The following METTL15 variants were observed in gnomAD, a reference collection of about 807,000 sequenced individuals.
The protein encoded by METTL15 is 12S rRNA N(4)-cytidine methyltransferase METTL15.
Under a neutral mutation model 38.3 loss-of-function variants are expected in METTL15, and 34 were observed. The ratio of observed to expected loss-of-function variants is 0.89; its 90% CI spans 0.68 to 1.18. METTL15 has a LOEUF of 1.18. Ranked by LOEUF, METTL15 falls within the 50% of genes most tolerant of loss-of-function variation. The pLI is 0.00. For synonymous variants in METTL15, 162 were observed against 170.9 expected, an observed-to-expected ratio of 0.95 and a Z score of 0.41; for missense variants, 438 against 498.4, an observed-to-expected ratio of 0.88 and a Z score of 1.15.
chr11:28,396,729 G>T (rs1308184397), intron 5 of METTL15, among the ~76,000 whole-genome samples: 2 of 152,050 alleles, frequency 1.3e-5, no homozygotes. Context: ...TCACAGAATT[G>T]GAAAAAACTA....
intron 4 of METTL15, among the ~76,000 whole-genome samples, chr11:28,228,717 A>G (rs1372661542): frequency 1.3e-5 from 2 of 152,082 alleles, no homozygotes; most frequent in Non-Finnish European, 2.9e-5. Flanking sequence ...TACATTCCAC[A>G]TATATTGTTC....
chr11:28,275,822 A>T (rs1855820704), intron 4 of METTL15, among the ~76,000 whole-genome samples: 3 of 152,206 alleles, frequency 2.0e-5, no homozygotes, highest in South Asian at 2.1e-4. Flanking sequence ...AATACATCAC[A>T]TCAACAGAAT....
At chr11:28,378,314 T>C (rs1414711889) in intron 5 of METTL15, among the ~76,000 whole-genome samples, 1 of 152,226 alleles carries the variant, frequency 6.6e-6, no homozygotes, top group African/African-American at 2.4e-5. Context: ...CGATACTCCG[T>C]GGGGTAGGAC....
At chr11:28,501,804 C>G (rs1397160785) in intron 6 of METTL15, among the ~76,000 whole-genome samples, 1 of 152,018 alleles carries the variant, frequency 6.6e-6, no homozygotes, top group Non-Finnish European at 1.5e-5. Flanking sequence ...CATGTGCACT[C>G]AAGAACCTGG....
chr11:28,320,444 C>CA (rs1849426492), intron 6 of METTL15, among the ~76,000 whole-genome samples: 1 of 151,862 alleles, frequency 6.6e-6, no homozygotes, highest in Non-Finnish European at 1.5e-5. Flanking sequence ...CCTATAGTCC[C>CA]AGCTATTCAG....
chr11:28,514,610 G>A (rs1365972040), intron 6 of METTL15, among the ~76,000 whole-genome samples: 3 of 152,166 alleles, frequency 2.0e-5, no homozygotes, highest in Admixed American at 6.5e-5. Context: ...CAATCCTTTA[G>A]TTGTCAGAGG....
chr11:28,195,493 G>C (rs1851876743), intron 3 of METTL15, among the ~76,000 whole-genome samples: 2 of 151,622 alleles, frequency 1.3e-5, no homozygotes, highest in South Asian at 4.2e-4. Context: ...TTCTATGTTT[G>C]GCCATTTGTA....
chr11:28,179,777 C>T (rs916366319), intron 3 of METTL15, among the ~76,000 whole-genome samples: 7 of 151,664 alleles, frequency 4.6e-5, no homozygotes, highest in Non-Finnish European at 8.9e-5. Context: ...TTTCCAGGAG[C>T]ATATAGCTAA....
chr11:28,143,703 C>T (rs964715614), intron 3 of METTL15, among the ~76,000 whole-genome samples: 20 of 152,130 alleles, frequency 1.3e-4, no homozygotes, highest in South Asian at 4.1e-4. Flanking sequence ...GGAACAAAGA[C>T]GCATTAATGA....
chr11:28,307,915 G>T (rs1030985259), intron 6 of METTL15, among the ~76,000 whole-genome samples: 2 of 151,876 alleles, frequency 1.3e-5, no homozygotes, highest in Non-Finnish European at 2.9e-5. Context: ...TAATTTCTGG[G>T]ATTAATTTTC....
At position 28,160,181 on chromosome 11, in the gene METTL15, G is replaced by A. The variant is rs185188948; in HGVS notation, c.270+46577G>A. 2.0e-4 allele frequency among the ~76,000 whole-genome samples: 30 copies of A among 151,870 alleles called. No individual in the cohort carries two copies. In the East Asian group the frequency reaches 5.6e-3, roughly 28 times the overall value. ...TCGGACTCCGTGTTCTTCAGTTTTG[G>A]CACTCGAACTGAGTTCCATGCAATA... On this transcript the variant is annotated intron_variant, in intron 3 of 6. Coordinates refer to ENST00000407364, the MANE Select transcript of METTL15 (RefSeq NM_001113528.2).
At chr11:28,326,629 T>C (rs1369796334) in intron 6 of METTL15, among the ~76,000 whole-genome samples, 2 of 152,026 alleles carry the variant, frequency 1.3e-5, no homozygotes, top group Non-Finnish European at 2.9e-5. Context: ...CAGGCTGGAG[T>C]GCAGTGGTGC....
At chr11:28,231,070 C>G (rs926366196) in intron 4 of METTL15, among the ~76,000 whole-genome samples, 4 of 151,848 alleles carry the variant, frequency 2.6e-5, no homozygotes, top group Non-Finnish European at 4.4e-5. Context: ...TTCTTATTTT[C>G]TCTGTTAGCA....
chr11:28,374,142 G>A (rs1245479899), intron 5 of METTL15, among the ~76,000 whole-genome samples: 8 of 152,146 alleles, frequency 5.3e-5, no homozygotes, highest in African/African-American at 1.2e-4. Flanking sequence ...TTGACATGGC[G>A]ATGCGGGCTC....
At chr11:28,366,705 A>G in intron 5 of METTL15, among the ~76,000 whole-genome samples, 1 of 152,200 alleles carries the variant, frequency 6.6e-6, no homozygotes, top group East Asian at 1.9e-4. Context: ...GCTATATAAA[A>G]GACAAGAGGA....
chr11:28,112,803 G>T (rs1204420545), intron 2 of METTL15, among the ~76,000 whole-genome samples: 1 of 152,102 alleles, frequency 6.6e-6, no homozygotes, highest in East Asian at 1.9e-4. Context: ...ATGTGCATGC[G>T]TAGTCTTTTC....
At chr11:28,457,360 A>G (rs1851177670) in intron 6 of METTL15, among the ~76,000 whole-genome samples, 1 of 152,210 alleles carries the variant, frequency 6.6e-6, no homozygotes. Flanking sequence ...GTTGTTTTAA[A>G]AAAATCCTCT....
At chr11:28,144,155 T>C (rs1263631731) in intron 3 of METTL15, among the ~76,000 whole-genome samples, 1 of 152,166 alleles carries the variant, frequency 6.6e-6, no homozygotes, top group Non-Finnish European at 1.5e-5. Flanking sequence ...AGCATTTGTT[T>C]AATTAATTCA....
chr11:28,217,677 T>A (rs1852960049), intron 4 of METTL15, among the ~76,000 whole-genome samples: 2 of 152,164 alleles, frequency 1.3e-5, no homozygotes, highest in African/African-American at 4.8e-5. Flanking sequence ...TCTTCTAGGG[T>A]TTTTATGGTT....
Sources: gnomAD v4.1 joint callset for allele counts (sites outside exome capture counted in the v4.1 genomes callset) on GRCh38, gnomAD v4.1.1 for gene constraint, MANE v1.5 for transcripts, NCBI Gene and HGNC (gene_info 2026-07-23, HGNC 2026-07-21) for gene names.